Variants in SORCS2 observed in about 807,000 individuals in gnomAD.
SORCS2 encodes the protein VPS10 domain-containing receptor SorCS2.
SORCS2 carries 100 observed loss-of-function variants against 141.6 expected under a neutral mutation model. The observed-to-expected ratio is 0.71, with a 90% CI of 0.60 to 0.83. The LOEUF (loss-of-function observed/expected upper bound fraction) is 0.83, where lower values mean the gene tolerates loss of function less well. Ranked by LOEUF, SORCS2 falls within the 40% of genes least tolerant of loss-of-function variation. The pLI, the probability that SORCS2 is intolerant of heterozygous loss-of-function variation, is 0.00. For synonymous variants in SORCS2, 789 were observed against 676.9 expected (o/e 1.17, Z -2.57); for missense variants, 1,646 against 1,560.2 (o/e 1.05, Z -0.93).
chr4:7,257,851 A>C (rs1210848000), intron 1 of SORCS2, among the ~76,000 whole-genome samples: 1 of 152,174 alleles, frequency 6.6e-6, no homozygotes, highest in African/African-American at 2.4e-5. Flanking sequence ...GGTTCAGTCA[A>C]CGAGAGGCGC....
At chr4:7,451,586 C>A (rs752627905) in intron 2 of SORCS2, among the ~76,000 whole-genome samples, 1 of 152,258 alleles carries the variant, frequency 6.6e-6, no homozygotes, top group African/African-American at 2.4e-5. Context: ...GGGCCATTCA[C>A]GTGCTGTGGG....
At chr4:7,394,800 C>A (rs145562316) in intron 1 of SORCS2, among the ~76,000 whole-genome samples, 1 of 152,124 alleles carries the variant, frequency 6.6e-6, no homozygotes, top group South Asian at 2.1e-4. Flanking sequence ...AGCTCCACCC[C>A]CCGAGGCCAG....
At chr4:7,330,408 G>T (rs896697331) in intron 1 of SORCS2, among the ~76,000 whole-genome samples, 1 of 151,868 alleles carries the variant, frequency 6.6e-6, no homozygotes, top group Non-Finnish European at 1.5e-5. Flanking sequence ...AGGTGCCTGC[G>T]CCCTCTCTGG....
At chr4:7,303,038 G>T (rs528985018) in intron 1 of SORCS2, among the ~76,000 whole-genome samples, 182 of 152,296 alleles carry the variant, frequency 1.2e-3, no homozygotes, top group African/African-American at 4.2e-3. Context: ...TGTGCACAGT[G>T]GAATGTTAAT....
At chr4:7,248,266 A>T (rs565819070) in intron 1 of SORCS2, among the ~76,000 whole-genome samples, 1 of 152,120 alleles carries the variant, frequency 6.6e-6, no homozygotes, top group African/African-American at 2.4e-5. Flanking sequence ...GTGTTTTGTC[A>T]GTTGGAGAGT....
At chr4:7,404,806 T>C (rs2109137289) in intron 2 of SORCS2, among the ~76,000 whole-genome samples, 1 of 152,286 alleles carries the variant, frequency 6.6e-6, no homozygotes, top group South Asian at 2.1e-4. Context: ...GTGTAGGTTG[T>C]CTGTCCATGC....
intron 1 of SORCS2, among the ~76,000 whole-genome samples, chr4:7,340,009 C>A (rs1414181805): frequency 6.6e-6 from 1 of 152,166 alleles, no homozygotes; most frequent in Non-Finnish European, 1.5e-5. Flanking sequence ...TGTCCGGGGT[C>A]AGAGATGCTG....
chr4:7,411,945 C>G (rs1412000408), intron 2 of SORCS2, among the ~76,000 whole-genome samples: 1 of 152,218 alleles, frequency 6.6e-6, no homozygotes, highest in Admixed American at 6.5e-5. Flanking sequence ...GCCACGATGC[C>G]TCTTTGTGTC....
At position 7,472,655 on chromosome 4, in the gene SORCS2, A is replaced by G. The variant is rs530530045; in HGVS notation, c.549-58875A>G. ...GCTTCTGGGAAGGACACGGGAGGGC[A>G]GACTAAAGCCGGAAGAAGTGGGAGG... is the stretch of plus-strand genomic sequence containing the variant. On this transcript the variant is annotated intron_variant, in intron 2 of 26. Transcript: ENST00000507866. Among the ~76,000 whole-genome samples the G allele has an allele frequency of 3.9e-4, 60 of 152,318 alleles. No homozygotes were observed. In the South Asian group the frequency reaches 0.012, roughly 30 times the overall value.
chr4:7,724,309 G>A (rs1726870383), intron 19 of SORCS2, among the ~76,000 whole-genome samples: 1 of 140,000 alleles, frequency 7.1e-6, no homozygotes, highest in Non-Finnish European at 1.6e-5. Context: ...TGACAATGGT[G>A]GTGGTGGTGG....
intron 1 of SORCS2, among the ~76,000 whole-genome samples, chr4:7,388,451 A>G (rs1170773344): frequency 6.6e-6 from 1 of 152,094 alleles, no homozygotes; most frequent in Admixed American, 6.5e-5. Context: ...TATTTGAAAA[A>G]TGTTTTTGAA....
chr4:7,392,350 G>A (rs1227821489), intron 1 of SORCS2, among the ~76,000 whole-genome samples: 2 of 152,046 alleles, frequency 1.3e-5, no homozygotes, highest in African/African-American at 4.8e-5. Flanking sequence ...GGGAGCCCCC[G>A]GACATCAGGG....
At chr4:7,473,020 G>T (rs1161675255) in intron 2 of SORCS2, among the ~76,000 whole-genome samples, 1 of 152,118 alleles carries the variant, frequency 6.6e-6, no homozygotes, top group Non-Finnish European at 1.5e-5. Context: ...TGGCCTGTGG[G>T]GTTTTGCATG....
intron 1 of SORCS2, among the ~76,000 whole-genome samples, chr4:7,263,582 C>T (rs1033761012): frequency 6.6e-6 from 1 of 152,350 alleles, no homozygotes; most frequent in East Asian, 1.9e-4. Flanking sequence ...CCAGGTTCTC[C>T]TGCATTTGGC....
At chr4:7,729,535 G>T in intron 22 of SORCS2, 52 bp from the exon 23 acceptor site, 1 of 1,546,068 alleles carries the variant, frequency 6.5e-7, no homozygotes, top group Non-Finnish European at 8.7e-7. Flanking sequence ...CCCAGTATGA[G>T]GCAGGGAATG....
At chr4:7,519,831 C>G (rs1045207714) in intron 2 of SORCS2, among the ~76,000 whole-genome samples, 22 of 151,386 alleles carry the variant, frequency 1.5e-4, no homozygotes, top group Admixed American at 6.5e-5. Flanking sequence ...GGGCTTCTGC[C>G]GTGCTAGAGC....
intron 3 of SORCS2, among the ~76,000 whole-genome samples, chr4:7,618,257 A>G (rs1718898374): frequency 6.6e-6 from 1 of 152,008 alleles, no homozygotes; most frequent in Admixed American, 6.6e-5. Context: ...ACCCCACCTC[A>G]GATGCACTAG....
chr4:7,714,385 G>A lies in SORCS2; in HGVS notation c.2123+12G>A, dbSNP rs1425144175. Reference sequence around the variant, plus strand: ...TCGGACTTCCTGTGGTGAGCGACGGGCTCCTGGCCACGAGGCCTCAGGCGC... The same window carrying A: ...TCGGACTTCCTGTGGTGAGCGACGGACTCCTGGCCACGAGGCCTCAGGCGC... On this transcript the variant is annotated intron_variant, in intron 16 of 26. Transcript: ENST00000507866. 5 of 1,548,898 alleles carry A rather than the reference G, an allele frequency of 3.2e-6. No individual in the cohort carries two copies. Among genetic ancestry groups the A allele is most frequent in the African/African-American group, 1.4e-5 (1 of 73,058 alleles).
chr4:7,402,050 G>A (rs372189198), intron 2 of SORCS2, among the ~76,000 whole-genome samples: 4 of 152,164 alleles, frequency 2.6e-5, no homozygotes, highest in Non-Finnish European at 5.9e-5. Flanking sequence ...ATTTGGGGTC[G>A]CATGATTAGT....
Sources: gnomAD v4.1 joint callset for allele counts (sites outside exome capture counted in the v4.1 genomes callset) on GRCh38, gnomAD v4.1.1 for gene constraint, MANE v1.5 for transcripts, NCBI Gene and HGNC (gene_info 2026-07-23, HGNC 2026-07-21) for gene names.